RBM6: variants seen among roughly 807,000 people sequenced by gnomAD.
RBM6 encodes the protein RNA binding motif protein 6.
RBM6 carries 23 observed loss-of-function variants against 140.4 expected under a neutral mutation model. The observed-to-expected ratio is 0.16, with a 90% CI of 0.12 to 0.23. The LOEUF (loss-of-function observed/expected upper bound fraction) is 0.23. Among genes scored for constraint, RBM6 ranks in the 10% least tolerant of loss-of-function variants. RBM6 has a pLI of 1.00. For synonymous variants in RBM6, 439 were observed against 475.6 expected (o/e 0.92, Z 1.00); for missense variants, 1,139 against 1,386.7 (o/e 0.82, Z 2.84).
chr3:50,064,410 TAGG>T (rs1575859199), intron 15 of RBM6, among the ~76,000 whole-genome samples: 1 of 152,214 alleles, frequency 6.6e-6, no homozygotes, highest in Admixed American at 6.5e-5. Flanking sequence ...AAAGCTTACA[TAGG>T]AGGATCATAG....
In RBM6 at chr3:49,973,737, C is replaced by T. The variant is rs1433570337; in HGVS notation, c.1414-1586C>T. Among the ~76,000 whole-genome samples the T allele has an allele frequency of 2.0e-4, 30 of 151,618 alleles. 1 individual carries two copies. The highest frequency in any genetic ancestry group is 5.9e-5 in the Non-Finnish European group (4 of 67,924). ...AGTAGCTGGGATTACAAGCACCTGCCACTGCACCCAGCTGATTTTTGTATT... is the reference window on the plus strand; with the variant it reads ...AGTAGCTGGGATTACAAGCACCTGCTACTGCACCCAGCTGATTTTTGTATT... On this transcript the variant is annotated intron_variant, in intron 4 of 20. Transcript: ENST00000266022.
intron 6 of RBM6, among the ~76,000 whole-genome samples, chr3:50,025,150 C>T (rs1029705484): frequency 5.9e-5 from 9 of 151,420 alleles, no homozygotes; most frequent in South Asian, 2.1e-4. Flanking sequence ...CTCAGCCAGG[C>T]GCGGTGGCTC....
At chr3:50,020,478 C>T (rs1002095724) in intron 6 of RBM6, among the ~76,000 whole-genome samples, 8 of 152,122 alleles carry the variant, frequency 5.3e-5, no homozygotes, top group African/African-American at 1.9e-4. Context: ...GATTTTTCTT[C>T]TCTTTTAATA....
intron 5 of RBM6, among the ~76,000 whole-genome samples, chr3:49,994,485 A>G (rs757171798): frequency 2.0e-5 from 3 of 152,196 alleles, no homozygotes; most frequent in Admixed American, 2.0e-4. Context: ...CGGTTTTGCT[A>G]AAATCTCTAA....
chr3:49,945,834 A>G (rs1323799789), intron 1 of RBM6, among the ~76,000 whole-genome samples: 1 of 148,572 alleles, frequency 6.7e-6, no homozygotes, highest in Non-Finnish European at 1.5e-5. Flanking sequence ...GTGAGCCAAA[A>G]TCGCGCCACT....
chr3:50,041,827 G>A (rs2108859879), intron 6 of RBM6, among the ~76,000 whole-genome samples: 1 of 152,298 alleles, frequency 6.6e-6, no homozygotes, highest in Admixed American at 6.5e-5. Flanking sequence ...CTCCCTATGA[G>A]TCCATTTCTT....
chr3:50,054,671 G>A (rs2089629503), intron 8 of RBM6, among the ~76,000 whole-genome samples: 1 of 151,774 alleles, frequency 6.6e-6, no homozygotes, highest in Non-Finnish European at 1.5e-5. Context: ...ACGCCCTGTA[G>A]CCCGGCTAAT....
At chr3:50,065,256 A>T in intron 16 of RBM6, 130 bp downstream of exon 16, 1 of 685,042 alleles carries the variant, frequency 1.5e-6, no homozygotes, top group Non-Finnish European at 2.5e-6. Flanking sequence ...CCGAATAAGG[A>T]TTCCCATTTC....
intron 6 of RBM6, among the ~76,000 whole-genome samples, chr3:50,024,310 G>A (rs993146091): frequency 6.6e-6 from 1 of 152,132 alleles, no homozygotes; most frequent in Non-Finnish European, 1.5e-5. Context: ...CATGTCGTAA[G>A]TGTATTGCTT....
rs1354144593 is a variant in RBM6, at chr3:49,999,491, T to C, written c.1535T>C (p.Ile512Thr). 2.5e-6 allele frequency: 4 copies of C among 1,613,640 alleles called. No homozygotes were observed. The East Asian group carries it at 8.9e-5, about 36-fold the overall frequency. Residue 512 changes from isoleucine (I) to threonine (T), a missense_variant, in exon 6 of 21, where the codon ATC (isoleucine) becomes ACC (threonine). This residue lies in a region of RBM6 where 58 missense variants were observed against 99.7 expected (regional missense o/e 0.58). Transcript: ENST00000266022. ...CVEFSLLEDA[I>T]GCMEANQGTL... is the part of the protein sequence containing the mutation. ...GAGTTTTCACTCTTGGAAGATGCCA[T>C]CGGATGCATGGAGGCCAACCAGGTT... is the stretch of plus-strand genomic sequence containing the variant.
intron 5 of RBM6, among the ~76,000 whole-genome samples, chr3:49,976,252 G>A (rs1164490557): frequency 6.6e-6 from 1 of 152,062 alleles, no homozygotes; most frequent in Non-Finnish European, 1.5e-5. Context: ...TTTACTATTA[G>A]CAGTTTATCA....
At chr3:50,012,559 G>T (rs894947599) in intron 6 of RBM6, among the ~76,000 whole-genome samples, 3 of 151,302 alleles carry the variant, frequency 2.0e-5, no homozygotes, top group African/African-American at 7.3e-5. Flanking sequence ...GGGTTTCACC[G>T]TGTTAGCCAG....
At chr3:49,952,592 C>T (rs776710190) in intron 1 of RBM6, among the ~76,000 whole-genome samples, 8 of 151,334 alleles carry the variant, frequency 5.3e-5, no homozygotes, top group Non-Finnish European at 1.0e-4. Flanking sequence ...CTCTGTCTCC[C>T]GGGTTCAAGT....
chr3:50,040,517 CGT>C (rs1553661230), intron 6 of RBM6, among the ~76,000 whole-genome samples: 2 of 140,174 alleles, frequency 1.4e-5, no homozygotes, highest in Admixed American at 7.2e-5. Context: ...CACACACACA[CGT>C]GTGTATATAT....
At chr3:50,063,368 A>C (rs2090010015) in intron 15 of RBM6, among the ~76,000 whole-genome samples, 1 of 152,102 alleles carries the variant, frequency 6.6e-6, no homozygotes, top group East Asian at 1.9e-4. Context: ...GCACGTTGGG[A>C]GGCCAAGACA....
At chr3:49,959,825 G>A (rs1171106376) in intron 1 of RBM6, among the ~76,000 whole-genome samples, 2 of 152,102 alleles carry the variant, frequency 1.3e-5, no homozygotes, top group South Asian at 2.1e-4. Context: ...ACACGCCTCA[G>A]CCTCCCAAAG....
Position 50,048,296 on chromosome 3 carries a change from C to T in RBM6, c.1609C>T (p.Leu537=), listed in dbSNP as rs2089309790. The T allele has an allele frequency of 6.2e-7, 1 of 1,613,054 alleles. No individual in the cohort carries two copies. The highest frequency in any genetic ancestry group is 1.1e-5 in the South Asian group (1 of 90,826). The change falls in exon 7 of 21, where the codon CTG becomes TTG. Residue 537 remains leucine, a synonymous_variant. Coordinates refer to ENST00000266022, the MANE Select transcript of RBM6 (RefSeq NM_005777.3). ...AGTTACCCTGGAGTATGTATCAAGC[C>T]TGGATTTTTGGTACTGCAAACGAGT... is the stretch of plus-strand genomic sequence containing the variant. ...KEVTLEYVSS[L]DFWYCKRCKA...
chr3:49,955,476 C>A (rs1214300854), intron 1 of RBM6, among the ~76,000 whole-genome samples: 5 of 151,936 alleles, frequency 3.3e-5, no homozygotes, highest in African/African-American at 7.2e-5. Flanking sequence ...TGGCTCACTG[C>A]AACCTTCGCC....
Position 49,968,180 on chromosome 3 carries a change from C to T in RBM6, c.755C>T (p.Thr252Met), listed in dbSNP as rs369268393. The change falls in exon 3 of 21, where the codon ACG (threonine) becomes ATG (methionine). Residue 252 changes from threonine (T) to methionine (M), a missense_variant. This residue lies in a region of RBM6 where 566 missense variants were observed against 612.7 expected (regional missense o/e 0.92). Coordinates refer to ENST00000266022, the MANE Select transcript of RBM6 (RefSeq NM_005777.3). ...TTDLDFRDRD[T>M]PHSDFRGRHR... ...GATCTAGACTTTAGGGACAGGGATA[C>T]GCCACATTCAGATTTCAGAGGTAGA... 4.9e-5 allele frequency: 79 copies of T among 1,613,968 alleles called. No homozygotes were observed. The highest frequency in any genetic ancestry group is 6.7e-5 in the East Asian group (3 of 44,878).
Sources: allele counts gnomAD v4.1 joint callset (sites outside exome capture counted in the v4.1 genomes callset), GRCh38; gene constraint gnomAD v4.1.1; regional missense constraint gnomAD v4.1.1; transcripts MANE v1.5; gene names NCBI Gene and HGNC (gene_info 2026-07-23, HGNC 2026-07-21).